Variants in SUGCT observed in about 807,000 individuals in gnomAD.
The protein encoded by SUGCT is succinyl-CoA:glutarate CoA-transferase.
A neutral mutation model predicts 55.0 loss-of-function variants in SUGCT; 41 were observed. That is an observed-to-expected ratio of 0.74 (90% CI 0.58 to 0.97). SUGCT has a LOEUF of 0.97. Ranked by LOEUF, SUGCT falls within the 50% of genes least tolerant of loss-of-function variation. The pLI, the probability that SUGCT is intolerant of heterozygous loss-of-function variation, is 0.00. For synonymous variants in SUGCT, 187 were observed against 200.4 expected (o/e 0.93, Z 0.56); for missense variants, 568 against 547.8 (o/e 1.04, Z -0.37).
chr7:40,815,568 C>T (rs989604007), intron 13 of SUGCT, among the ~76,000 whole-genome samples: 2 of 151,864 alleles, frequency 1.3e-5, no homozygotes, highest in East Asian at 1.9e-4. Context: ...GTTCTCTGCT[C>T]GGGAGGGGCA....
At chr7:41,021,275 T>C in the SUGCT span, among the ~76,000 whole-genome samples, 1 of 152,206 alleles carries the variant, frequency 6.6e-6, no homozygotes, top group Non-Finnish European at 1.5e-5. Context: ...ATGAAATCCT[T>C]GGTACTTTGA....
the SUGCT span, among the ~76,000 whole-genome samples, chr7:40,899,164 T>A: frequency 1.8e-4 from 27 of 152,186 alleles, no homozygotes; most frequent in Non-Finnish European, 3.5e-4. Context: ...CTTTGCTCCC[T>A]TAACTTGTGC....
chr7:40,619,662 T>C (rs941903385), intron 12 of SUGCT, among the ~76,000 whole-genome samples: 2 of 152,222 alleles, frequency 1.3e-5, no homozygotes, highest in African/African-American at 4.8e-5. Context: ...GGAATAAAAT[T>C]CACTTTAGTT....
chr7:40,276,956 G>A (rs759872446), intron 8 of SUGCT, among the ~76,000 whole-genome samples: 1 of 152,136 alleles, frequency 6.6e-6, no homozygotes, highest in African/African-American at 2.4e-5. Context: ...TCAAAGATTG[G>A]CTTTTCCAAT....
chr7:40,446,826 T>G (rs1418567226), intron 9 of SUGCT, among the ~76,000 whole-genome samples: 1 of 152,228 alleles, frequency 6.6e-6, no homozygotes, highest in Non-Finnish European at 1.5e-5. Flanking sequence ...AACTTTATGT[T>G]ATGATGGAAG....
chr7:40,312,962 C>G (rs756047908), intron 8 of SUGCT, among the ~76,000 whole-genome samples: 26 of 152,216 alleles, frequency 1.7e-4, no homozygotes, highest in Non-Finnish European at 2.9e-4. Context: ...CAGCTTGATC[C>G]TCATTCGGTG....
At chr7:40,188,803 A>T (rs1249508862) in intron 4 of SUGCT, among the ~76,000 whole-genome samples, 3 of 152,156 alleles carry the variant, frequency 2.0e-5, no homozygotes, top group Non-Finnish European at 4.4e-5. Context: ...ATTTCATAAG[A>T]ATTTATAATG....
intron 13 of SUGCT, among the ~76,000 whole-genome samples, chr7:40,782,311 C>T (rs1789793977): frequency 1.3e-5 from 2 of 152,072 alleles, no homozygotes; most frequent in Non-Finnish European, 2.9e-5. Flanking sequence ...CTGACCAATT[C>T]ATCAGTAACT....
chr7:40,716,515 G>T (rs1786033779), intron 12 of SUGCT, among the ~76,000 whole-genome samples: 4 of 152,090 alleles, frequency 2.6e-5, no homozygotes, highest in South Asian at 4.2e-4. Context: ...TGTTTAAAGG[G>T]ATTAGTAATA....
intron 9 of SUGCT, among the ~76,000 whole-genome samples, chr7:40,429,117 T>G (rs1054871651): frequency 9.9e-5 from 8 of 80,960 alleles, no homozygotes; most frequent in Non-Finnish European, 2.0e-4. Flanking sequence ...TCTCACATAA[T>G]TACCGTTTTT....
Position 40,732,888 on chromosome 7 carries a change from G to A in SUGCT, c.1090-16546G>A, listed in dbSNP as rs145551913. ...GTGGATCACTTGAGGTCAGGAGTTCGAGACCCACCTGGCCAGCATGGTGCA... is the reference window on the plus strand; with the variant it reads ...GTGGATCACTTGAGGTCAGGAGTTCAAGACCCACCTGGCCAGCATGGTGCA... On this transcript the variant is annotated intron_variant, in intron 12 of 13. Transcript: ENST00000335693. Among the ~76,000 whole-genome samples, 695 of 152,188 alleles carry A rather than the reference G, an allele frequency of 4.6e-3. 3 individuals carry two copies. Among genetic ancestry groups the A allele is most frequent in the Non-Finnish European group, 7.3e-3 (494 of 67,994 alleles).
intron 9 of SUGCT, among the ~76,000 whole-genome samples, chr7:40,413,780 T>C (rs1786821932): frequency 6.6e-6 from 1 of 152,112 alleles, no homozygotes; most frequent in African/African-American, 2.4e-5. Context: ...ATAAAAAGAA[T>C]GCACAAATGG....
Position 40,471,797 on chromosome 7 carries a change from T to TGGG in SUGCT, c.986+12600_986+12602dup, listed in dbSNP as rs202026916. Among the ~76,000 whole-genome samples, 1,382 of 152,170 alleles carry TGGG rather than the reference T, an allele frequency of 9.1e-3. 25 individuals are homozygous for TGGG. The highest frequency in any genetic ancestry group is 0.03 in the African/African-American group (1,255 of 41,544). ...ACATAAATAAATTGAAAATATAAGG[T>TGGG]GGGAAATATATTTCCAAGAATAACT... On this transcript the variant is annotated intron_variant, in intron 11 of 13. Transcript: ENST00000335693.
chr7:40,372,025 T>G (rs1383745043), intron 9 of SUGCT, among the ~76,000 whole-genome samples: 1 of 151,682 alleles, frequency 6.6e-6, no homozygotes, highest in Non-Finnish European at 1.5e-5. Flanking sequence ...TTAAACAAAA[T>G]CAGGATTATG....
chr7:40,412,052 G>A (rs545703637), intron 9 of SUGCT, among the ~76,000 whole-genome samples: 1 of 152,278 alleles, frequency 6.6e-6, no homozygotes, highest in Non-Finnish European at 1.5e-5. Context: ...GCACTCAAAT[G>A]TTCTTTCTTC....
At chr7:40,553,248 G>T (rs1188935536) in intron 12 of SUGCT, among the ~76,000 whole-genome samples, 1 of 152,146 alleles carries the variant, frequency 6.6e-6, no homozygotes, top group African/African-American at 2.4e-5. Flanking sequence ...TGAATTTGAG[G>T]TATGGGTGCA....
chr7:40,965,900 A>T, the SUGCT span: 1 of 151,994 alleles, frequency 6.6e-6, no homozygotes, highest in African/African-American at 2.4e-5. Context: ...TTGAAAATCT[A>T]AAAAAAATGG....
At chr7:40,847,407 C>CTT (rs1338885686) in intron 13 of SUGCT, among the ~76,000 whole-genome samples, 62 of 117,882 alleles carry the variant, frequency 5.3e-4, no homozygotes, top group African/African-American at 1.6e-3. Flanking sequence ...TCTTTTCTTT[C>CTT]TTTCTTTTTT....
At chr7:40,265,848 G>C (rs1562627171) in intron 7 of SUGCT, among the ~76,000 whole-genome samples, 1 of 152,174 alleles carries the variant, frequency 6.6e-6, no homozygotes, top group Non-Finnish European at 1.5e-5. Context: ...ATACTTGGGA[G>C]AATGAGGCAG....
Sources: gnomAD v4.1 joint callset for allele counts (sites outside exome capture counted in the v4.1 genomes callset) on GRCh38, gnomAD v4.1.1 for gene constraint, MANE v1.5 for transcripts, NCBI Gene and HGNC (gene_info 2026-07-23, HGNC 2026-07-21) for gene names.